The following TGS1 variants were observed in gnomAD, a reference collection of about 807,000 sequenced individuals.
TGS1 encodes the protein trimethylguanosine synthase.
A neutral mutation model predicts 92.2 loss-of-function variants in TGS1; 69 were observed. That is an observed-to-expected ratio of 0.75 (90% CI 0.62 to 0.91). TGS1 has a LOEUF of 0.91. Among genes scored for constraint, TGS1 ranks in the 40% least tolerant of loss-of-function variants. TGS1 has a pLI of 0.00. For missense variants in TGS1, 1,062 were observed against 1,001.2 expected (o/e 1.06, Z -0.82); for synonymous variants, 345 against 338.1 (o/e 1.02, Z -0.22).
intron 5 of TGS1, among the ~76,000 whole-genome samples, chr8:55,791,169 C>G (rs1227716231): frequency 6.6e-6 from 1 of 152,202 alleles, no homozygotes; most frequent in African/African-American, 2.4e-5. Context: ...CAGATCAACT[C>G]TACTCGAAGC....
chr8:55,812,974 A>G lies in TGS1; in HGVS notation c.2361-66A>G, dbSNP rs1011275695. The G allele has an allele frequency of 1.2e-5, 14 of 1,205,190 alleles. No individual in the cohort carries two copies. In the Middle Eastern group the frequency reaches 1.6e-3, roughly 139 times the overall value. 74.7% of individuals were successfully genotyped at this position (1,205,190 alleles called of 1,614,324 possible). On this transcript the variant is annotated intron_variant, in intron 11 of 12. Transcript: ENST00000260129. ...AAATACATTTGAGTTATGATAAGTAAAACACATCTCTTTCTGATTAGAAAT... is the reference window on the plus strand; with the variant it reads ...AAATACATTTGAGTTATGATAAGTAGAACACATCTCTTTCTGATTAGAAAT...
rs1426078312 is a variant in TGS1 at position 55,792,748 on chromosome 8, G to A, written c.1331G>A (p.Gly444Asp). Residue 444 changes from glycine to aspartate, a missense_variant, in exon 6 of 13, where the codon GGT (glycine) becomes GAT (aspartate). Physicochemically the swap from Gly to Asp is moderately conservative, Grantham distance 94. Coordinates refer to ENST00000260129, the MANE Select transcript of TGS1 (RefSeq NM_024831.8). Reference protein sequence around the residue: ...ENPASDFDDSGSLLGFKYGSG... With the variant: ...ENPASDFDDSDSLLGFKYGSG... ...CCAGCTTCAGACTTTGATGACAGTG[G>A]TTCCCTTCTAGGATTCAAGTATGGC... 3 of 1,613,752 alleles carry A rather than the reference G, an allele frequency of 1.9e-6. No homozygotes were observed. The African/African-American group carries it at 4.0e-5, about 22-fold the overall frequency.
Position 55,790,258 on chromosome 8 carries a change from G to C in TGS1, c.1239G>C (p.Glu413Asp), listed in dbSNP as rs764981661. Residue 413 changes from glutamate to aspartate, a missense_variant, in exon 5 of 13, where the codon GAG (glutamate) becomes GAC (aspartate). By Grantham distance (45) the Glu-to-Asp change is conservative (BLOSUM62 2). Transcript: ENST00000260129. ...GTGGTACTGATGGAGATGAAAGTGAGGAAGACCCACCTGAGCATAAGCCAA... is the reference window on the plus strand; with the variant it reads ...GTGGTACTGATGGAGATGAAAGTGACGAAGACCCACCTGAGCATAAGCCAA... ...HASGTDGDES[E>D]EDPPEHKPSK... The C allele has an allele frequency of 4.7e-5, 76 of 1,613,908 alleles. No homozygotes were observed. The highest frequency in any genetic ancestry group is 6.4e-5 in the Non-Finnish European group (76 of 1,179,952).
intron 8 of TGS1, among the ~76,000 whole-genome samples, chr8:55,799,511 A>G (rs146697384): frequency 6.6e-6 from 1 of 152,192 alleles, no homozygotes; most frequent in Non-Finnish European, 1.5e-5. Flanking sequence ...CTCTGCTGGT[A>G]CTCAGTTCCA....
chr8:55,813,003 C>T (rs781155644), intron 11 of TGS1, 37 bp from the exon 12 acceptor site: 1 of 1,358,556 alleles, frequency 7.4e-7, no homozygotes, highest in African/African-American at 1.4e-5. Flanking sequence ...TAGAAATTAG[C>T]TGCTGTTTTC....
intron 1 of TGS1, 96 bp downstream of exon 1, chr8:55,773,815 C>A: frequency 1.0e-6 from 1 of 987,594 alleles, no homozygotes; most frequent in Non-Finnish European, 1.5e-6. Context: ...CTGAAAGCAG[C>A]CAGAACATCT....
At chr8:55,810,536 G>A (rs952191879) in intron 10 of TGS1, among the ~76,000 whole-genome samples, 161 of 152,306 alleles carry the variant, frequency 1.1e-3, no homozygotes, top group Non-Finnish European at 5.0e-4. Flanking sequence ...TACAGTCAGT[G>A]ACCTTTTCCT....
At chr8:55,779,147 G>C (rs1373082958) in intron 1 of TGS1, among the ~76,000 whole-genome samples, 1 of 152,126 alleles carries the variant, frequency 6.6e-6, no homozygotes, top group East Asian at 1.9e-4. Flanking sequence ...TGTGGATTAA[G>C]GTACACTAAT....
At chr8:55,792,430 G>A (rs139850726) in intron 5 of TGS1, among the ~76,000 whole-genome samples, 176 of 152,228 alleles carry the variant, frequency 1.2e-3, no homozygotes, top group African/African-American at 4.0e-3. Flanking sequence ...GATTATATTT[G>A]TACCATACCT....
Position 55,824,703 on chromosome 8 carries a change from A to G in TGS1, c.2562A>G (p.Ter854=), listed in dbSNP as rs146843109. The change falls in exon 13 of 13, where the codon TAA becomes TAG. Residue 854 remains the stop codon, a stop_retained_variant. Coordinates refer to ENST00000260129, the MANE Select transcript of TGS1 (RefSeq NM_024831.8). ...TTCGAAGACCAGCCTCTGAAACCTA[A>G]CTATGCAGCAGTGCGAGGACAAAAG... is the stretch of plus-strand genomic sequence containing the variant. ...DLIRRPASET[*] is the part of the protein sequence containing the mutation. 8.3e-5 allele frequency: 134 copies of G among 1,614,166 alleles called. 1 individual carries two copies. The African/African-American group carries it at 1.5e-3, about 18-fold the overall frequency.
intron 5 of TGS1, among the ~76,000 whole-genome samples, 199 bp downstream of exon 5, chr8:55,790,498 A>ACATT (rs1307898278): frequency 9.6e-6 from 1 of 104,500 alleles, no homozygotes; most frequent in Non-Finnish European, 1.9e-5. Context: ...AACTCTAAGT[A>ACATT]CATTTCTTTT....
At chr8:55,813,882 T>A (rs924385099) in intron 12 of TGS1, among the ~76,000 whole-genome samples, 5 of 152,206 alleles carry the variant, frequency 3.3e-5, no homozygotes, top group Non-Finnish European at 5.9e-5. Flanking sequence ...TTATCTTTCT[T>A]CATTGTGTTG....
intron 1 of TGS1, among the ~76,000 whole-genome samples, chr8:55,774,473 AATTC>A (rs1811323876): frequency 6.6e-6 from 1 of 152,236 alleles, no homozygotes; most frequent in Non-Finnish European, 1.5e-5. Context: ...AGTTTGAAGG[AATTC>A]ATTTTTCTCG....
rs1262385274 is a variant in TGS1, at chr8:55,785,058, G to GTTTTTT, written c.167-660_167-655dup. Among the ~76,000 whole-genome samples, 31 of 143,564 alleles carry GTTTTTT rather than the reference G, an allele frequency of 2.2e-4. 1 individual carries two copies. Among genetic ancestry groups the GTTTTTT allele is most frequent in the South Asian group, 4.5e-4 (2 of 4,494 alleles). The allele number at this position is 143,564 out of a possible 152,430, so 94.2% of individuals were successfully genotyped here. On this transcript the variant is annotated intron_variant, in intron 2 of 12. Coordinates refer to ENST00000260129, the MANE Select transcript of TGS1 (RefSeq NM_024831.8). Reference sequence around the variant, plus strand: ...ATATTACTGTCAATTGGTGTTTTTTGTTTTTTGTTTTTTGTTTTTTTTTTG... The same window carrying GTTTTTT: ...ATATTACTGTCAATTGGTGTTTTTTGTTTTTTTTTTTTGTTTTTTGTTTTTTTTTTG...
chr8:55,807,275 A>C (rs971669132), intron 10 of TGS1, among the ~76,000 whole-genome samples: 3 of 152,072 alleles, frequency 2.0e-5, no homozygotes, highest in African/African-American at 7.3e-5. Flanking sequence ...GACCTCTGTG[A>C]CACCTTTCAA....
intron 2 of TGS1, among the ~76,000 whole-genome samples, 165 bp from the exon 3 acceptor site, chr8:55,785,554 G>A (rs574109217): frequency 1.3e-5 from 2 of 151,878 alleles, no homozygotes; most frequent in Non-Finnish European, 1.5e-5. Flanking sequence ...CTCCAACCTG[G>A]GCAGTGTTGT....
chr8:55,804,080 C>T (rs1812294960), intron 9 of TGS1, among the ~76,000 whole-genome samples: 1 of 152,180 alleles, frequency 6.6e-6, no homozygotes, highest in South Asian at 2.1e-4. Context: ...TCTGCTATTC[C>T]TCCTGTACTT....
chr8:55,811,895 A>G (rs1803350933), intron 11 of TGS1, among the ~76,000 whole-genome samples: 1 of 152,216 alleles, frequency 6.6e-6, no homozygotes, highest in Non-Finnish European at 1.5e-5. Context: ...AGTAATGACA[A>G]ATATGAGGTC....
At chr8:55,801,914 G>T (rs1012710365) in intron 8 of TGS1, among the ~76,000 whole-genome samples, 1 of 151,946 alleles carries the variant, frequency 6.6e-6, no homozygotes, top group Non-Finnish European at 1.5e-5. Flanking sequence ...TGGAGTTTAG[G>T]CCAGGCACAG....
Sources: allele counts gnomAD v4.1 joint callset (sites outside exome capture counted in the v4.1 genomes callset), GRCh38; gene constraint gnomAD v4.1.1; transcripts MANE v1.5; gene names NCBI Gene and HGNC (gene_info 2026-07-23, HGNC 2026-07-21).